Variants in CDK18 observed in about 807,000 individuals in gnomAD.
The protein encoded by CDK18 is cyclin-dependent kinase 18.
Under a neutral mutation model 62.0 loss-of-function variants are expected in CDK18, and 52 were observed. That is an observed-to-expected ratio of 0.84 (90% confidence interval 0.67 to 1.06). CDK18 has a LOEUF of 1.06. Among genes scored for constraint, CDK18 ranks in the 50% least tolerant of loss-of-function variants. The pLI is 0.00. For synonymous variants in CDK18, 237 were observed against 247.0 expected, an observed-to-expected ratio of 0.96 and a Z score of 0.38; for missense variants, 604 against 619.9, an observed-to-expected ratio of 0.97 and a Z score of 0.27.
In CDK18 at chr1:205,516,866, G is replaced by A. The variant is rs1378853813; in HGVS notation, c.-21-6281G>A. 1 of 152,240 alleles carries A rather than the reference G, an allele frequency of 6.6e-6. No individual in the cohort carries two copies. Among genetic ancestry groups the A allele is most frequent in the South Asian group, 2.1e-4 (1 of 4,834 alleles). The allele number at this position is 152,240 out of a possible 1,614,324, so 9.4% of individuals were successfully genotyped here. A position where few individuals can be genotyped will look rare whatever the true frequency, so the allele number is the denominator to read the frequency against. On this transcript the variant is annotated intron_variant, in intron 1 of 15. Transcript: ENST00000429964. This position sits in a 1 kb window ranked among gnomAD's most constrained non-coding sequence, Gnocchi z 4.8. ...GAAGGCAAAGAGGCTTCTTGAAGGG[G>A]TTTGCTGAGAGAAGACTCCAGTCCT... is the stretch of plus-strand genomic sequence containing the variant.
Position 205,528,829 on chromosome 1 carries a change from G to A in CDK18, c.975-170G>A, listed in dbSNP as rs117464145. ...AAGCCCCCCAGAGAGGGGCTGTAGT[G>A]GGGGCTGGGCAGTTCTAGGAGCCTC... is the stretch of plus-strand genomic sequence containing the variant. On this transcript the variant is annotated intron_variant, in intron 10 of 15. Transcript: ENST00000429964. The surrounding 1 kb of genome is among the most constrained non-coding windows in gnomAD (Gnocchi z 4.2). The A allele has an allele frequency of 2.7e-3, 1,347 of 497,930 alleles. 26 individuals are homozygous for A. In the East Asian group the frequency reaches 0.037, roughly 14 times the overall value. 30.8% of individuals were successfully genotyped at this position (497,930 alleles called of 1,614,324 possible).
rs532254242 is a variant in CDK18, at chr1:205,532,210, GCTCCTGC to G, written c.*835_*841del. On this transcript the variant is annotated 3_prime_UTR_variant, in exon 16 of 16. Coordinates refer to ENST00000429964, the MANE Select transcript of CDK18 (RefSeq NM_212502.3). ...CTCACTGCCCTTGGAGCTGTGACCG[GCTCCTGC>G]CTGTCCACCCCTTCCCGAGGTGGCT... The G allele has an allele frequency of 6.5e-6, 1 of 152,770 alleles. No individual in the cohort carries two copies. The highest frequency in any genetic ancestry group is 1.5e-5 in the Non-Finnish European group (1 of 68,180). 9.5% of individuals were successfully genotyped at this position (152,770 alleles called of 1,614,324 possible).
chr1:205,523,276 C>A lies in CDK18; in HGVS notation c.109C>A (p.Leu37Ile), dbSNP rs756722053. 1.1e-5 allele frequency: 17 copies of A among 1,614,046 alleles called. 1 individual carries two copies. The Middle Eastern group carries it at 6.6e-4, about 62-fold the overall frequency. The change falls in exon 2 of 16, where the codon CTC (leucine) becomes ATC (isoleucine). Residue 37 changes from leucine (L) to isoleucine (I), a missense_variant. Leu to Ile is a conservative substitution (Grantham distance 5). Coordinates refer to ENST00000429964, the MANE Select transcript of CDK18 (RefSeq NM_212502.3). Reference protein sequence around the residue: ...LAEFTEQFNQLHNRRNENLQL... With the variant: ...LAEFTEQFNQIHNRRNENLQL... ...TGAATTCACGGAGCAATTCAACCAG[C>A]TCCACAACCGGCGGAATGAGAGTGA...
At position 205,517,233 on chromosome 1, in the gene CDK18, G is replaced by T. The variant is rs1380047470; in HGVS notation, c.-21-5914G>T. 6.6e-6 allele frequency among the ~76,000 whole-genome samples: 1 copy of T among 152,202 alleles called. No individual in the cohort carries two copies. Among genetic ancestry groups the T allele is most frequent in the East Asian group, 1.9e-4 (1 of 5,188 alleles). Reference sequence around the variant, plus strand: ...GGGCCCCACCCTGCGTGGCCCTGCAGTTGTCTAAGTAGGGGGGACCCTGCC... The same window carrying T: ...GGGCCCCACCCTGCGTGGCCCTGCATTTGTCTAAGTAGGGGGGACCCTGCC... On this transcript the variant is annotated intron_variant, in intron 1 of 15. Coordinates refer to ENST00000429964, the MANE Select transcript of CDK18 (RefSeq NM_212502.3). This position sits in a 1 kb window ranked among gnomAD's most constrained non-coding sequence, Gnocchi z 4.1.
In CDK18 at chr1:205,527,839, C is replaced by T. The variant is rs766539772; in HGVS notation, c.775C>T (p.Arg259Cys). The change falls in exon 9 of 16, where the codon CGC becomes TGC. Residue 259 changes from arginine (R) to cysteine (C), a missense_variant. Arg to Cys is a radical substitution (Grantham distance 180). Coordinates refer to ENST00000429964, the MANE Select transcript of CDK18 (RefSeq NM_212502.3). This position sits in a 1 kb window ranked among gnomAD's most constrained non-coding sequence, Gnocchi z 4.1. ...CCGGGGCCTCGCCTACTGTCACCAC[C>T]GCAAGATCCTGCACCGGGACCTGAA... Reference protein sequence around the residue: ...LLRGLAYCHHRKILHRDLKPQ... With the variant: ...LLRGLAYCHHCKILHRDLKPQ... 9.9e-6 allele frequency: 16 copies of T among 1,613,964 alleles called. No homozygotes were observed. The highest frequency in any genetic ancestry group is 6.7e-5 in the African/African-American group (5 of 74,918).
intron 4 of CDK18, among the ~76,000 whole-genome samples, 178 bp downstream of exon 4, chr1:205,524,535 C>T (rs1434128118): frequency 6.6e-6 from 1 of 152,228 alleles, no homozygotes; most frequent in East Asian, 1.9e-4. Flanking sequence ...CATCCATTTC[C>T]TAGATGGGTC....
At chr1:205,515,421 C>T (rs1667771676) in intron 1 of CDK18, among the ~76,000 whole-genome samples, 2 of 152,110 alleles carry the variant, frequency 1.3e-5, no homozygotes, top group Admixed American at 6.6e-5. Flanking sequence ...AGGTGGTCCA[C>T]CCACCTTGAC....
chr1:205,526,457 AC>A lies in CDK18; in HGVS notation c.664del (p.Leu222TrpfsTer5). The A allele has an allele frequency of 6.2e-7, 1 of 1,611,796 alleles. No individual in the cohort carries two copies. On this transcript the variant is annotated frameshift_variant, in exon 7 of 16. Transcript: ENST00000429964. LOFTEE classifies it high-confidence loss of function. ...TDRSLTLVFEYLDSDLKQYLD... is the reference protein window; with the variant it reads ...TDRSLTLVFEXLDSDLKQYLD... ...CGGTCCCTCACCCTGGTGTTTGAGT[AC>A]CTGGTGAGAGTCCGGCTGGGGCTGG...
intron 1 of CDK18, among the ~76,000 whole-genome samples, chr1:205,506,989 C>T (rs1170511415): frequency 6.6e-6 from 1 of 152,208 alleles, no homozygotes; most frequent in African/African-American, 2.4e-5. Flanking sequence ...TCTACAGACT[C>T]GGACTCTGTC....
intron 1 of CDK18, 70 bp from the exon 2 acceptor site, chr1:205,523,077 C>T: frequency 6.7e-7 from 1 of 1,488,430 alleles, no homozygotes; most frequent in Non-Finnish European, 9.1e-7. Flanking sequence ...GAGCTGAATT[C>T]CCAGTGGGTG....
At chr1:205,512,039 G>A (rs767307575) in intron 1 of CDK18, among the ~76,000 whole-genome samples, 2 of 152,118 alleles carry the variant, frequency 1.3e-5, no homozygotes, top group South Asian at 2.1e-4. Flanking sequence ...GGGTGACTCC[G>A]TCTCCAAAAG....
intron 7 of CDK18, 129 bp from the exon 8 acceptor site, chr1:205,526,646 G>A (rs1488940876): frequency 5.9e-6 from 6 of 1,008,926 alleles, no homozygotes; most frequent in Admixed American, 1.7e-5. Flanking sequence ...CGGGTGGCTC[G>A]AGCCAGGGAC....
At chr1:205,511,978 C>A (rs936331907) in intron 1 of CDK18, among the ~76,000 whole-genome samples, 1 of 152,104 alleles carries the variant, frequency 6.6e-6, no homozygotes, top group Non-Finnish European at 1.5e-5. Context: ...TGCTTGAACC[C>A]GGGAGACAGA....
In CDK18 at chr1:205,528,972, G is replaced by A; in HGVS notation, c.975-27G>A. 6.6e-7 allele frequency: 1 copy of A among 1,514,288 alleles called. No homozygotes were observed. The highest frequency in any genetic ancestry group is 9.0e-7 in the Non-Finnish European group (1 of 1,114,316). 93.8% of individuals were successfully genotyped at this position (1,514,288 alleles called of 1,614,324 possible). On this transcript the variant is annotated intron_variant, in intron 10 of 15. Coordinates refer to ENST00000429964, the MANE Select transcript of CDK18 (RefSeq NM_212502.3). This position sits in a 1 kb window ranked among gnomAD's most constrained non-coding sequence, Gnocchi z 4.2. ...GGAAGGGCGGCCGCCCCTGCCTGAT[G>A]CCGACCCTACCCCTTGCTCCTCGCA...
At chr1:205,510,794 G>T (rs542439298) in intron 1 of CDK18, among the ~76,000 whole-genome samples, 10 of 152,238 alleles carry the variant, frequency 6.6e-5, no homozygotes, top group Non-Finnish European at 1.3e-4. Flanking sequence ...CAGACCAGGG[G>T]ATTTCCAAAG....
chr1:205,510,422 C>G (rs1029840708), intron 1 of CDK18, among the ~76,000 whole-genome samples: 4 of 152,212 alleles, frequency 2.6e-5, no homozygotes, highest in Admixed American at 6.5e-5. Context: ...CTCCCAAACT[C>G]TGCCTGCAAC....
intron 1 of CDK18, among the ~76,000 whole-genome samples, chr1:205,512,326 G>T (rs557307467): frequency 6.6e-6 from 1 of 152,332 alleles, no homozygotes; most frequent in Non-Finnish European, 1.5e-5. Flanking sequence ...CACCAGACCC[G>T]GGAGGAAGGA....
In CDK18 at chr1:205,524,347, G is replaced by C; in HGVS notation, c.389G>C (p.Arg130Pro). The change falls in exon 4 of 16, where the codon CGG becomes CCG. Residue 130 changes from arginine (R) to proline (P), a missense_variant. Arg to Pro is a moderately radical substitution (Grantham distance 103, BLOSUM62 -2). Transcript: ENST00000429964. ...LPKPLSRMSRRASLSDIGFGK... is the reference protein window; with the variant it reads ...LPKPLSRMSRPASLSDIGFGK... ...AAGCCGCTCAGCCGCATGTCCCGCC[G>C]GGCCTCCCTGGTGAGTCCCAAGAGG... 5.6e-6 allele frequency: 9 copies of C among 1,614,140 alleles called. No individual in the cohort carries two copies. The South Asian group carries it at 8.8e-5, about 16-fold the overall frequency.
intron 13 of CDK18, chr1:205,529,941 G>A: frequency 2.9e-6 from 4 of 1,380,232 alleles, no homozygotes; most frequent in Admixed American, 6.1e-5. Context: ...GGTTGTTATC[G>A]GCACTACGCT....
Sources: allele counts gnomAD v4.1 joint callset (sites outside exome capture counted in the v4.1 genomes callset), GRCh38; gene constraint gnomAD v4.1.1; non-coding constraint Gnocchi (gnomAD v3.1); transcripts MANE v1.5; gene names NCBI Gene and HGNC (gene_info 2026-07-23, HGNC 2026-07-21).